The following SPAG16 variants were observed in gnomAD, a reference collection of about 807,000 sequenced individuals.
SPAG16 encodes the protein sperm associated antigen 16.
A neutral mutation model predicts 80.4 loss-of-function variants in SPAG16; 86 were observed. That is an observed-to-expected ratio of 1.07 (90% CI 0.90 to 1.28). The LOEUF is 1.28. Among genes scored for constraint, SPAG16 ranks in the 50% most tolerant of loss-of-function variants. The pLI is 0.00. For synonymous variants in SPAG16, 294 were observed against 265.9 expected (o/e 1.11, Z -1.03); for missense variants, 870 against 765.3 (o/e 1.14, Z -1.61).
chr2:214,084,776 C>T (rs2051611273), intron 13 of SPAG16, among the ~76,000 whole-genome samples: 1 of 152,204 alleles, frequency 6.6e-6, no homozygotes, highest in African/African-American at 2.4e-5. Flanking sequence ...AATGCCATTT[C>T]ATACATTCAG....
chr2:213,336,381 G>A (rs2064359018), intron 5 of SPAG16, among the ~76,000 whole-genome samples: 1 of 129,636 alleles, frequency 7.7e-6, no homozygotes, highest in South Asian at 3.6e-4. Context: ...GCTGAAGCCA[G>A]GGGGCCAAGT....
chr2:213,605,725 G>A (rs925744042), intron 10 of SPAG16, among the ~76,000 whole-genome samples: 3 of 152,150 alleles, frequency 2.0e-5, no homozygotes, highest in East Asian at 1.9e-4. Context: ...TCCTGACTTC[G>A]TGATCGGCCT....
At chr2:213,413,860 C>T (rs2069116852) in intron 9 of SPAG16, among the ~76,000 whole-genome samples, 1 of 152,152 alleles carries the variant, frequency 6.6e-6, no homozygotes, top group Admixed American at 6.5e-5. Context: ...GTGTTTGGTA[C>T]ATGCCATAAT....
chr2:214,146,461 A>T (rs2055642271), intron 14 of SPAG16, among the ~76,000 whole-genome samples: 1 of 152,158 alleles, frequency 6.6e-6, no homozygotes, highest in African/African-American at 2.4e-5. Context: ...TGGAATTAAT[A>T]TTCACCTGCA....
chr2:213,520,818 A>T (rs2075633609), intron 10 of SPAG16, among the ~76,000 whole-genome samples: 1 of 152,140 alleles, frequency 6.6e-6, no homozygotes, highest in African/African-American at 2.4e-5. Context: ...TTGTCACATA[A>T]TTCTTGGGAT....
chr2:213,366,058 T>C (rs368997620), intron 8 of SPAG16, among the ~76,000 whole-genome samples: 41,154 of 142,110 alleles, frequency 0.29, 6,382 homozygotes, highest in African/African-American at 0.34. Context: ...AGGAGAATGG[T>C]GTGAACCCGG....
chr2:214,009,400 T>C (rs889848288), intron 12 of SPAG16, among the ~76,000 whole-genome samples: 1 of 152,192 alleles, frequency 6.6e-6, no homozygotes, highest in Non-Finnish European at 1.5e-5. Flanking sequence ...TTTCCTTCTC[T>C]TAAGGATTAT....
At chr2:214,062,055 G>C (rs1388412048) in intron 13 of SPAG16, among the ~76,000 whole-genome samples, 1 of 150,806 alleles carries the variant, frequency 6.6e-6, no homozygotes. Context: ...GACTGCTACA[G>C]TGATATGTTA....
chr2:214,169,301 A>G (rs2056787127), intron 15 of SPAG16, among the ~76,000 whole-genome samples: 2 of 152,098 alleles, frequency 1.3e-5, no homozygotes, highest in African/African-American at 4.8e-5. Flanking sequence ...TGTGTTAAAA[A>G]AGAACACAAT....
At chr2:213,792,739 G>T (rs1008437754) in intron 10 of SPAG16, among the ~76,000 whole-genome samples, 1 of 150,122 alleles carries the variant, frequency 6.7e-6, no homozygotes, top group African/African-American at 2.5e-5. Context: ...ATGAGCCACT[G>T]TGCCCAGCCG....
chr2:214,147,762 A>C (rs1468446381), intron 14 of SPAG16, among the ~76,000 whole-genome samples: 1 of 152,184 alleles, frequency 6.6e-6, no homozygotes, highest in Non-Finnish European at 1.5e-5. Flanking sequence ...ATTGGGGACA[A>C]GGCTGTTGTA....
In SPAG16 at chr2:213,575,384, A is replaced by G. The variant is rs909692544; in HGVS notation, c.1070+85294A>G. Among the ~76,000 whole-genome samples, 7 of 152,264 alleles carry G rather than the reference A, an allele frequency of 4.6e-5. No homozygotes were observed. The East Asian group carries it at 1.2e-3, about 25-fold the overall frequency. On this transcript the variant is annotated intron_variant, in intron 10 of 15. Coordinates refer to ENST00000331683, the MANE Select transcript of SPAG16 (RefSeq NM_024532.5). ...TACTTTGAAAGTAACCTTAAAAGCA[A>G]TAATAAAATTAAAGGGTATTTATTG...
intron 10 of SPAG16, among the ~76,000 whole-genome samples, chr2:213,604,452 C>T (rs1003519436): frequency 2.0e-5 from 3 of 152,120 alleles, no homozygotes; most frequent in African/African-American, 7.2e-5. Flanking sequence ...AAATTCCTGG[C>T]ATTTATAGGT....
chr2:214,400,288 G>A (rs1701635088), intron 15 of SPAG16, among the ~76,000 whole-genome samples: 1 of 151,750 alleles, frequency 6.6e-6, no homozygotes, highest in Non-Finnish European at 1.5e-5. Flanking sequence ...AGAAAGACAT[G>A]GATTTCATGT....
At chr2:213,935,672 C>T (rs1028653659) in intron 12 of SPAG16, among the ~76,000 whole-genome samples, 9 of 152,092 alleles carry the variant, frequency 5.9e-5, no homozygotes, top group African/African-American at 1.9e-4. Flanking sequence ...TAATGAAAAA[C>T]GCCAAGGATT....
At chr2:214,167,994 CTT>C (rs202075837) in intron 15 of SPAG16, among the ~76,000 whole-genome samples, 12 of 132,990 alleles carry the variant, frequency 9.0e-5, no homozygotes, top group Non-Finnish European at 1.6e-4. Context: ...TTCTTTTTCT[CTT>C]TTTTTTTTTT....
chr2:213,565,540 A>C (rs909262733), intron 10 of SPAG16, among the ~76,000 whole-genome samples: 2 of 152,268 alleles, frequency 1.3e-5, no homozygotes, highest in African/African-American at 4.8e-5. Flanking sequence ...TGATCTTGCC[A>C]GCTGAAGCTG....
intron 12 of SPAG16, among the ~76,000 whole-genome samples, chr2:213,949,179 T>TTTTTTTGTTTGTTTTTTTTTTTTTTG (rs1553677659): frequency 2.5e-4 from 9 of 36,242 alleles, no homozygotes; most frequent in Admixed American, 4.8e-4. Context: ...GTTTTTTTTT[T>TTTTTTTGTTTGTTTTTTTTTTTTTTG]TTTTTTTTTT....
intron 15 of SPAG16, among the ~76,000 whole-genome samples, chr2:214,377,549 G>A (rs969636375): frequency 2.6e-5 from 4 of 152,138 alleles, no homozygotes; most frequent in Admixed American, 6.5e-5. Context: ...CTAGCTTATG[G>A]TACAACTACA....
Sources: allele counts gnomAD v4.1 joint callset (sites outside exome capture counted in the v4.1 genomes callset), GRCh38; gene constraint gnomAD v4.1.1; transcripts MANE v1.5; gene names NCBI Gene and HGNC (gene_info 2026-07-23, HGNC 2026-07-21).